Variants in FRMD4A observed in about 807,000 individuals in gnomAD.
FRMD4A encodes FERM domain containing 4A.
FRMD4A carries 29 observed loss-of-function variants against 129.1 expected under a neutral mutation model. That is an observed-to-expected ratio of 0.22 (90% CI 0.17 to 0.31). FRMD4A has a LOEUF of 0.31. FRMD4A is among the 10% of genes least tolerant of loss of function. The pLI, the probability that FRMD4A is intolerant of heterozygous loss-of-function variation, is 1.00. For missense variants in FRMD4A, 1,272 were observed against 1,375.8 expected (o/e 0.92, Z 1.19); for synonymous variants, 634 against 571.6 (o/e 1.11, Z -1.56).
intron 2 of FRMD4A, among the ~76,000 whole-genome samples, chr10:13,879,144 G>T (rs1322579341): frequency 6.6e-6 from 1 of 152,004 alleles, no homozygotes; most frequent in Non-Finnish European, 1.5e-5. Flanking sequence ...TTAAATATGA[G>T]ATTTAGCACT....
intron 2 of FRMD4A, among the ~76,000 whole-genome samples, chr10:13,966,166 C>T (rs1026741799): frequency 3.9e-5 from 6 of 152,096 alleles, no homozygotes; most frequent in Non-Finnish European, 8.8e-5. Context: ...ATTACAGGTG[C>T]CCGCCATCGT....
chr10:13,965,065 A>ATTG (rs1755617073), intron 2 of FRMD4A, among the ~76,000 whole-genome samples: 1 of 141,078 alleles, frequency 7.1e-6, no homozygotes, highest in Admixed American at 7.1e-5. Context: ...ACCACTGGGC[A>ATTG]TTTTTTTTTT....
intron 2 of FRMD4A, among the ~76,000 whole-genome samples, chr10:14,190,143 A>G (rs1389836393): frequency 2.6e-5 from 4 of 152,204 alleles, no homozygotes; most frequent in African/African-American, 7.2e-5. Context: ...CCCATTTTAC[A>G]GACAGAAAAA....
At chr10:14,063,908 A>G (rs890994256) in intron 2 of FRMD4A, among the ~76,000 whole-genome samples, 1 of 152,220 alleles carries the variant, frequency 6.6e-6, no homozygotes, top group Non-Finnish European at 1.5e-5. Flanking sequence ...CTAAAAATTA[A>G]GAATCTGAAA....
intron 15 of FRMD4A, chr10:13,692,708 T>C (rs1333101084): frequency 6.6e-6 from 1 of 152,314 alleles, no homozygotes; most frequent in African/African-American, 2.4e-5. Flanking sequence ...AGACAATTTT[T>C]AGCTCCTCTT....
At chr10:14,216,175 A>T (rs998312340) in intron 2 of FRMD4A, among the ~76,000 whole-genome samples, 1 of 152,180 alleles carries the variant, frequency 6.6e-6, no homozygotes, top group Admixed American at 6.5e-5. Flanking sequence ...TCTGAGATTT[A>T]GTGAATAAAT....
At chr10:14,014,274 A>G (rs1156408925) in intron 2 of FRMD4A, among the ~76,000 whole-genome samples, 1 of 152,208 alleles carries the variant, frequency 6.6e-6, no homozygotes, top group Non-Finnish European at 1.5e-5. Context: ...GCAAGAAGAA[A>G]ACATATTCTT....
chr10:13,688,791 G>A (rs2134800885), intron 15 of FRMD4A, among the ~76,000 whole-genome samples: 1 of 152,196 alleles, frequency 6.6e-6, no homozygotes, highest in African/African-American at 2.4e-5. Flanking sequence ...TCAGCTCACT[G>A]CAACCTCTGC....
At chr10:14,310,425 T>A (rs1417142514) in intron 2 of FRMD4A, among the ~76,000 whole-genome samples, 5 of 152,180 alleles carry the variant, frequency 3.3e-5, no homozygotes, top group African/African-American at 4.8e-5. Context: ...CAGAGTAATT[T>A]CTTTTCTAAC....
Position 14,319,367 on chromosome 10 carries a change from T to TCTCTCTCTCTCTCTCTCTCACACA in FRMD4A, c.45+10690_45+10691insTGTGTGAGAGAGAGAGAGAGAGAG, listed in dbSNP as rs112041665. Among the ~76,000 whole-genome samples, 893 of 145,090 alleles carry TCTCTCTCTCTCTCTCTCTCACACA rather than the reference T, an allele frequency of 6.2e-3. 19 individuals are homozygous for TCTCTCTCTCTCTCTCTCTCACACA. The highest frequency in any genetic ancestry group is 0.023 in the African/African-American group (851 of 37,110). ...TCTCTCTCCTCTCTCTCTCTCTCTC[T>TCTCTCTCTCTCTCTCTCTCACACA]CACACACACACACACACACATGATA... On this transcript the variant is annotated intron_variant, in intron 2 of 24. Coordinates refer to ENST00000357447, the MANE Select transcript of FRMD4A (RefSeq NM_018027.5).
intron 2 of FRMD4A, among the ~76,000 whole-genome samples, chr10:13,907,456 T>C (rs941906617): frequency 1.1e-4 from 17 of 152,078 alleles, no homozygotes; most frequent in African/African-American, 4.1e-4. Flanking sequence ...AAAGTTGCAA[T>C]GTTCAGTTCA....
At chr10:14,110,125 TAAA>T (rs1554761010) in intron 2 of FRMD4A, among the ~76,000 whole-genome samples, 2 of 89,520 alleles carry the variant, frequency 2.2e-5, no homozygotes, top group African/African-American at 4.7e-5. Flanking sequence ...CGAGATGCTG[TAAA>T]AAAAAAAAAA....
chr10:13,645,331 A>C lies in FRMD4A; in HGVS notation c.*1707T>G, dbSNP rs2081054646. The C allele has an allele frequency of 6.7e-6, 1 of 149,394 alleles. No homozygotes were observed. Among genetic ancestry groups the C allele is most frequent in the Admixed American group, 6.7e-5 (1 of 14,878 alleles). 9.3% of individuals were successfully genotyped at this position (149,394 alleles called of 1,614,324 possible). On this transcript the variant is annotated 3_prime_UTR_variant, in exon 25 of 25. Transcript: ENST00000357447. ...GGCTGTCAATGCCTTTCCAATAGGA[A>C]GTCATTAGAGTGAGAAAAAAATTCC...
intron 2 of FRMD4A, among the ~76,000 whole-genome samples, chr10:14,028,361 T>G (rs1285896283): frequency 1.3e-5 from 2 of 152,236 alleles, no homozygotes; most frequent in East Asian, 1.9e-4. Context: ...CTTACATTAT[T>G]TTTTCTTGGG....
intron 16 of FRMD4A, among the ~76,000 whole-genome samples, chr10:13,671,755 G>T (rs1327999199): frequency 3.3e-5 from 5 of 152,216 alleles, no homozygotes; most frequent in African/African-American, 1.2e-4. Context: ...TCAAATTCAA[G>T]AAGTCACTTC....
intron 2 of FRMD4A, among the ~76,000 whole-genome samples, chr10:13,894,255 A>G (rs2094732898): frequency 6.6e-6 from 1 of 151,608 alleles, no homozygotes; most frequent in Non-Finnish European, 1.5e-5. Context: ...TGCATTCTCC[A>G]CTCCAGCTGG....
intron 2 of FRMD4A, among the ~76,000 whole-genome samples, chr10:14,024,946 C>G (rs1173052268): frequency 6.6e-6 from 1 of 152,224 alleles, no homozygotes; most frequent in Admixed American, 6.5e-5. Flanking sequence ...GGCAGTGGGT[C>G]CCACAGAAGT....
At chr10:14,314,732 T>C (rs1186015356) in intron 2 of FRMD4A, among the ~76,000 whole-genome samples, 3 of 152,138 alleles carry the variant, frequency 2.0e-5, no homozygotes, top group African/African-American at 7.2e-5. Flanking sequence ...TTCACCGTTT[T>C]CCCATCTCTA....
chr10:14,100,592 A>G (rs539996130), intron 2 of FRMD4A, among the ~76,000 whole-genome samples: 56 of 152,208 alleles, frequency 3.7e-4, no homozygotes, highest in African/African-American at 1.3e-3. Context: ...ATTTTATTTT[A>G]TATACTTGCC....
Sources: allele counts gnomAD v4.1 joint callset (sites outside exome capture counted in the v4.1 genomes callset), GRCh38; gene constraint gnomAD v4.1.1; transcripts MANE v1.5; gene names NCBI Gene and HGNC (gene_info 2026-07-23, HGNC 2026-07-21).